Variants in TRIP12 observed in about 807,000 individuals in gnomAD.
TRIP12 encodes the protein E3 ubiquitin-protein ligase TRIP12.
In TRIP12, 25 loss-of-function variants were observed where a neutral mutation model predicts 244.2. That is an observed-to-expected ratio of 0.10 (90% CI 0.07 to 0.14). TRIP12 has a LOEUF of 0.14. Among genes scored for constraint, TRIP12 ranks in the 10% least tolerant of loss-of-function variants. The probability of loss-of-function intolerance (pLI) is 1.00; values close to 1 mark genes in which losing one functional copy is unlikely to be tolerated. For synonymous variants in TRIP12, 905 were observed against 873.1 expected, an observed-to-expected ratio of 1.04 and a Z score of -0.64; for missense variants, 1,677 against 2,486.4, an observed-to-expected ratio of 0.67 and a Z score of 6.92.
intron 4 of TRIP12, among the ~76,000 whole-genome samples, chr2:229,851,564 C>G (rs2058709597): frequency 6.6e-6 from 1 of 152,184 alleles, no homozygotes; most frequent in African/African-American, 2.4e-5. Flanking sequence ...CCCTTCCACA[C>G]TGGAAGCTTT....
intron 2 of TRIP12, among the ~76,000 whole-genome samples, chr2:229,878,336 G>C (rs1383710739): frequency 6.6e-6 from 1 of 151,642 alleles, no homozygotes; most frequent in African/African-American, 2.4e-5. Context: ...TGAAATCCCA[G>C]CTACTTGGGA....
At chr2:229,797,409 C>T (rs770784605) in intron 24 of TRIP12, among the ~76,000 whole-genome samples, 1 of 152,096 alleles carries the variant, frequency 6.6e-6, no homozygotes, top group African/African-American at 2.4e-5. Flanking sequence ...AACAGATGTG[C>T]TTGTGAGGAC....
intron 34 of TRIP12, among the ~76,000 whole-genome samples, chr2:229,784,910 A>T (rs915822301): frequency 1.3e-5 from 2 of 152,226 alleles, no homozygotes; most frequent in Non-Finnish European, 2.9e-5. Flanking sequence ...ATGACTTAGC[A>T]ATTTAGTTCT....
At chr2:229,822,971 T>C (rs536682476) in intron 8 of TRIP12, among the ~76,000 whole-genome samples, 12 of 152,222 alleles carry the variant, frequency 7.9e-5, no homozygotes, top group South Asian at 4.1e-4. Context: ...AAAAAAGAAC[T>C]AGTGAATTTA....
intron 34 of TRIP12, among the ~76,000 whole-genome samples, chr2:229,782,439 TG>T (rs1376198600): frequency 2.0e-5 from 3 of 152,132 alleles, no homozygotes; most frequent in African/African-American, 7.2e-5. Flanking sequence ...CAAGACATCT[TG>T]AGGACAGCAC....
intron 27 of TRIP12, among the ~76,000 whole-genome samples, 194 bp downstream of exon 27, chr2:229,792,779 G>A (rs550942511): frequency 4.6e-5 from 7 of 152,098 alleles, no homozygotes; most frequent in Non-Finnish European, 1.0e-4. Context: ...CAACATTCAA[G>A]GAAGCAGTCA....
At chr2:229,852,792 A>G (rs1559867512) in intron 4 of TRIP12, among the ~76,000 whole-genome samples, 10 of 152,196 alleles carry the variant, frequency 6.6e-5, no homozygotes, top group Admixed American at 6.5e-4. Flanking sequence ...TCATTGGTCT[A>G]TCAACAATTG....
Position 229,883,980 on chromosome 2 carries a change from G to A in TRIP12, c.-49-3852C>T, listed in dbSNP as rs188123623. Among the ~76,000 whole-genome samples the A allele has an allele frequency of 1.4e-3, 220 of 151,822 alleles. 1 individual carries two copies. Among genetic ancestry groups the A allele is most frequent in the African/African-American group, 4.9e-3 (205 of 41,448 alleles). On this transcript the variant is annotated intron_variant, in intron 1 of 41. Coordinates refer to ENST00000675903, the MANE Select transcript of TRIP12 (RefSeq NM_001348323.3). Reference sequence around the variant, plus strand: ...AAAAATTAGCCAGGTGTGGTAGTGCGCACCTGTAAAATCCCAGCTACTTGG... The same window carrying A: ...AAAAATTAGCCAGGTGTGGTAGTGCACACCTGTAAAATCCCAGCTACTTGG...
At chr2:229,901,359 G>A (rs906974216) in intron 1 of TRIP12, among the ~76,000 whole-genome samples, 13 of 151,732 alleles carry the variant, frequency 8.6e-5, no homozygotes, top group Non-Finnish European at 2.9e-5. Flanking sequence ...GGTGGCTTAC[G>A]CTTGTAATCC....
Position 229,778,909 on chromosome 2 carries a change from T to G in TRIP12, c.5176A>C (p.Arg1726=). ...ELQRADLGLW[R]GEEVTLSNPK... Reference sequence around the variant, plus strand: ...TTGCTAAGAGTTACTTCTTCACCTCTCCAAAGACCCAAGTCAGCTCTCTGT... The same window carrying G: ...TTGCTAAGAGTTACTTCTTCACCTCGCCAAAGACCCAAGTCAGCTCTCTGT... The change falls in exon 35 of 42, where the codon AGA becomes CGA. Residue 1726 remains arginine, a synonymous_variant. Transcript: ENST00000675903. The surrounding 1 kb of genome is among the most constrained non-coding windows in gnomAD (Gnocchi z 4.1). The G allele has an allele frequency of 6.2e-7, 1 of 1,613,934 alleles. No individual in the cohort carries two copies. Among genetic ancestry groups the G allele is most frequent in the South Asian group, 1.1e-5 (1 of 91,076 alleles).
chr2:229,898,590 T>G (rs2069599978), intron 1 of TRIP12, among the ~76,000 whole-genome samples: 1 of 152,218 alleles, frequency 6.6e-6, no homozygotes, highest in Non-Finnish European at 1.5e-5. Context: ...AAACTTTCTA[T>G]TTGTATTATA....
rs1199011938 is a variant in TRIP12, at chr2:229,765,967, A to C, written c.*1587T>G. On this transcript the variant is annotated 3_prime_UTR_variant, in exon 42 of 42. Coordinates refer to ENST00000675903, the MANE Select transcript of TRIP12 (RefSeq NM_001348323.3). ...GGAGGGGACATTTCCATATAAGGCC[A>C]TTTAAGTGTAAATTGACACAGCAAT... 6.6e-6 allele frequency: 1 copy of C among 152,178 alleles called. No individual in the cohort carries two copies. The highest frequency in any genetic ancestry group is 2.4e-5 in the African/African-American group (1 of 41,434). The allele number at this position is 152,178 out of a possible 1,614,324, so 9.4% of individuals were successfully genotyped here. A position where few individuals can be genotyped will look rare whatever the true frequency, so the allele number is the denominator to read the frequency against.
At chr2:229,785,268 T>C (rs2039643395) in intron 34 of TRIP12, among the ~76,000 whole-genome samples, 1 of 152,212 alleles carries the variant, frequency 6.6e-6, no homozygotes, top group South Asian at 2.1e-4. Context: ...CATCAATGTT[T>C]ATCAAGGGCT....
chr2:229,917,936 C>T (rs1348203631), intron 1 of TRIP12, among the ~76,000 whole-genome samples: 3 of 152,112 alleles, frequency 2.0e-5, no homozygotes, highest in South Asian at 2.1e-4. Flanking sequence ...GATCCTCCCA[C>T]GTCCTCACCT....
chr2:229,780,390 C>T (rs2037710077), intron 34 of TRIP12, among the ~76,000 whole-genome samples: 1 of 152,228 alleles, frequency 6.6e-6, no homozygotes, highest in Admixed American at 6.5e-5. Context: ...CCTAGATGGT[C>T]TCTGCACTAG....
rs536262625 is a variant in TRIP12 at position 229,764,441 on chromosome 2, T to C, written c.*3113A>G. On this transcript the variant is annotated 3_prime_UTR_variant, in exon 42 of 42. Coordinates refer to ENST00000675903, the MANE Select transcript of TRIP12 (RefSeq NM_001348323.3). The stretch of plus-strand genomic sequence containing the variant: ...CTTGATCATTTTACTAGTAGAGAAA[T>C]GAACAATAGCATCCAGAATCCTCCA... 40 of 152,262 alleles carry C rather than the reference T, an allele frequency of 2.6e-4. 1 individual carries two copies. The highest frequency in any genetic ancestry group is 8.7e-4 in the African/African-American group (36 of 41,564). The allele number at this position is 152,262 out of a possible 1,614,324, so 9.4% of individuals were successfully genotyped here.
intron 26 of TRIP12, 55 bp from the exon 27 acceptor site, chr2:229,793,200 A>G (rs1438867360): frequency 1.3e-6 from 2 of 1,525,726 alleles, no homozygotes; most frequent in African/African-American, 2.8e-5. Context: ...TTTAATATAC[A>G]TTAATTCAAA....
chr2:229,779,721 G>A (rs1341778640), intron 34 of TRIP12, among the ~76,000 whole-genome samples: 1 of 152,148 alleles, frequency 6.6e-6, no homozygotes, highest in South Asian at 2.1e-4. Flanking sequence ...GGGGTGCCAC[G>A]TCCTGAAGAT....
intron 20 of TRIP12, 147 bp from the exon 21 acceptor site, chr2:229,802,606 G>A (rs2044673920): frequency 1.9e-6 from 1 of 517,416 alleles, no homozygotes; most frequent in Non-Finnish European, 3.2e-6. Context: ...GAAATTAGGA[G>A]CCAGAGTTTT....
Sources: allele counts gnomAD v4.1 joint callset (sites outside exome capture counted in the v4.1 genomes callset), GRCh38; gene constraint gnomAD v4.1.1; non-coding constraint Gnocchi (gnomAD v3.1); transcripts MANE v1.5; gene names NCBI Gene and HGNC (gene_info 2026-07-23, HGNC 2026-07-21).